GATAD2B: variants seen among roughly 807,000 people sequenced by gnomAD.
GATAD2B encodes the protein transcriptional repressor p66-beta.
Under a neutral mutation model 64.3 loss-of-function variants are expected in GATAD2B, and 8 were observed. The observed-to-expected ratio is 0.12, with a 90% CI of 0.07 to 0.22. The LOEUF (loss-of-function observed/expected upper bound fraction) is 0.22, where lower values mean the gene tolerates loss of function less well. Among genes scored for constraint, GATAD2B ranks in the 10% least tolerant of loss-of-function variants. The probability of loss-of-function intolerance (pLI) is 1.00; values close to 1 mark genes in which losing one functional copy is unlikely to be tolerated. For synonymous variants in GATAD2B, 281 were observed against 271.3 expected (o/e 1.04, Z -0.35); for missense variants, 453 against 752.0 (o/e 0.60, Z 4.65).
At chr1:153,851,651 G>C (rs1296639717) in intron 1 of GATAD2B, among the ~76,000 whole-genome samples, 1 of 151,960 alleles carries the variant, frequency 6.6e-6, no homozygotes, top group Non-Finnish European at 1.5e-5. Flanking sequence ...TGAATTCAAA[G>C]GTAGTATTCC....
intron 1 of GATAD2B, among the ~76,000 whole-genome samples, chr1:153,857,175 T>C (rs1251478147): frequency 1.3e-5 from 2 of 151,702 alleles, no homozygotes; most frequent in African/African-American, 2.4e-5. Flanking sequence ...CCGGGCGCAG[T>C]GGCTCACACC....
At chr1:153,824,016 C>T (rs1028504634) in intron 2 of GATAD2B, among the ~76,000 whole-genome samples, 1 of 152,176 alleles carries the variant, frequency 6.6e-6, no homozygotes, top group Non-Finnish European at 1.5e-5. Flanking sequence ...AGGCGTGAGC[C>T]ACTGTGCCCA....
chr1:153,817,498 G>A lies in GATAD2B; in HGVS notation c.774C>T (p.His258=). 6.2e-7 allele frequency: 1 copy of A among 1,611,028 alleles called. No individual in the cohort carries two copies. The highest frequency in any genetic ancestry group is 1.7e-4 in the Middle Eastern group (1 of 6,052). The change falls in exon 6 of 11, where the codon CAC becomes CAT. Residue 258 remains histidine, a synonymous_variant. Transcript: ENST00000368655. The part of the protein sequence containing the change: ...IRSATNTTLP[H]MLMSQRVIAP... Reference sequence around the variant, plus strand: ...CAATAACACGTTGAGACATCAACATGTGTGGAAGGGTGGTATTGGTAGCTG... The same window carrying A: ...CAATAACACGTTGAGACATCAACATATGTGGAAGGGTGGTATTGGTAGCTG...
At chr1:153,823,203 G>A (rs773823672) in intron 2 of GATAD2B, among the ~76,000 whole-genome samples, 8 of 152,126 alleles carry the variant, frequency 5.3e-5, no homozygotes, top group Admixed American at 2.6e-4. Flanking sequence ...AATATTTGGG[G>A]TAGTTAAGTA....
At chr1:153,852,574 C>G (rs964456615) in intron 1 of GATAD2B, 26 of 773,358 alleles carry the variant, frequency 3.4e-5, no homozygotes, top group Admixed American at 8.6e-5. Context: ...TAGAGCTTAT[C>G]CTGAGCATCC....
chr1:153,818,309 GTTTTCTTT>G, intron 4 of GATAD2B, 138 bp from the exon 5 acceptor site: 1 of 568,814 alleles, frequency 1.8e-6, no homozygotes. Context: ...GGGAGTCAAG[GTTTTCTTT>G]TTTTTTTTTT....
At chr1:153,885,863 CAAAAA>C (rs778577435) in intron 1 of GATAD2B, among the ~76,000 whole-genome samples, 1,135 of 53,654 alleles carry the variant, frequency 0.021, 23 homozygotes, top group African/African-American at 0.068. Flanking sequence ...ACTCCGTCTC[CAAAAA>C]AAAAAAAAAA....
rs1676533783 is a variant in GATAD2B at position 153,867,913 on chromosome 1, T to TAAA, written c.-1-39566_-1-39565insTTT. On this transcript the variant is annotated intron_variant, in intron 1 of 10. Transcript: ENST00000368655. ...ATTAGAAACAGAATTAAAATAAAATTTTAGGCCAGGCACAGTGGCTCACGC... is the reference window on the plus strand; with the variant it reads ...ATTAGAAACAGAATTAAAATAAAATTAAATTAGGCCAGGCACAGTGGCTCACGC... 2.0e-5 allele frequency among the ~76,000 whole-genome samples: 3 copies of TAAA among 149,498 alleles called. No individual in the cohort carries two copies. In the South Asian group the frequency reaches 6.4e-4, roughly 32 times the overall value.
intron 1 of GATAD2B, among the ~76,000 whole-genome samples, chr1:153,878,510 A>T (rs2101937281): frequency 6.6e-6 from 1 of 152,348 alleles, no homozygotes; most frequent in East Asian, 1.9e-4. Flanking sequence ...ACACCAAAAA[A>T]TACAGACGTT....
chr1:153,910,315 G>A (rs1678075395), intron 1 of GATAD2B, among the ~76,000 whole-genome samples: 1 of 152,082 alleles, frequency 6.6e-6, no homozygotes, highest in Non-Finnish European at 1.5e-5. Context: ...AAAATTTTTC[G>A]ACTTTACGAT....
intron 6 of GATAD2B, among the ~76,000 whole-genome samples, 160 bp downstream of exon 6, chr1:153,817,209 GCTT>G (rs1356483018): frequency 2.0e-5 from 3 of 152,084 alleles, no homozygotes; most frequent in African/African-American, 7.2e-5. Flanking sequence ...ATTCCTCAAA[GCTT>G]CTACTTTTGG....
chr1:153,862,506 C>T (rs1676341442), intron 1 of GATAD2B, among the ~76,000 whole-genome samples: 1 of 151,930 alleles, frequency 6.6e-6, no homozygotes, highest in African/African-American at 2.4e-5. Context: ...ATTTTATAGA[C>T]GAAAAAATCA....
intron 1 of GATAD2B, among the ~76,000 whole-genome samples, chr1:153,877,518 T>C (rs1027526222): frequency 1.3e-5 from 2 of 152,138 alleles, no homozygotes; most frequent in African/African-American, 4.8e-5. Context: ...CCTTGCTGAT[T>C]ATGACTACAT....
chr1:153,873,613 G>A (rs1343506378), intron 1 of GATAD2B, among the ~76,000 whole-genome samples: 3 of 152,194 alleles, frequency 2.0e-5, no homozygotes, highest in African/African-American at 4.8e-5. Context: ...ATGGCCCCTT[G>A]ACCCTGGACT....
At chr1:153,863,945 A>T (rs1168205371) in intron 1 of GATAD2B, among the ~76,000 whole-genome samples, 1 of 152,146 alleles carries the variant, frequency 6.6e-6, no homozygotes, top group Non-Finnish European at 1.5e-5. Flanking sequence ...GTTTTTCTTC[A>T]TGCAAAGTAG....
intron 1 of GATAD2B, among the ~76,000 whole-genome samples, chr1:153,857,826 C>T (rs1676145057): frequency 6.6e-6 from 1 of 152,192 alleles, no homozygotes; most frequent in South Asian, 2.1e-4. Flanking sequence ...TTTTTTAAAA[C>T]TCTGAATTAG....
At chr1:153,822,374 A>C (rs1674711034) in intron 2 of GATAD2B, among the ~76,000 whole-genome samples, 1 of 152,128 alleles carries the variant, frequency 6.6e-6, no homozygotes, top group Non-Finnish European at 1.5e-5. Context: ...CAAGACAGAG[A>C]TATTACTGGA....
At chr1:153,842,457 C>T (rs1675530387) in intron 1 of GATAD2B, among the ~76,000 whole-genome samples, 1 of 152,196 alleles carries the variant, frequency 6.6e-6, no homozygotes, top group East Asian at 1.9e-4. Context: ...TCACTCTCAA[C>T]CCTTTCTCGC....
rs545527487 is a variant in GATAD2B, at chr1:153,862,621, G to T, written c.-1-34273C>A. On this transcript the variant is annotated intron_variant, in intron 1 of 10. Coordinates refer to ENST00000368655, the MANE Select transcript of GATAD2B (RefSeq NM_020699.4). ...AATGTTACTCAAAGTGTGGGCCACT[G>T]ACCACTGCAGTTCCATGAACTGCAA... Among the ~76,000 whole-genome samples the T allele has an allele frequency of 1.4e-4, 22 of 152,114 alleles. No homozygotes were observed. The South Asian group carries it at 4.6e-3, about 32-fold the overall frequency.
Sources: gnomAD v4.1 joint callset for allele counts (sites outside exome capture counted in the v4.1 genomes callset) on GRCh38, gnomAD v4.1.1 for gene constraint, MANE v1.5 for transcripts, NCBI Gene and HGNC (gene_info 2026-07-23, HGNC 2026-07-21) for gene names.